CUL5: variants seen among roughly 807,000 people sequenced by gnomAD.
CUL5 encodes cullin-5.
Under a neutral mutation model 108.8 loss-of-function variants are expected in CUL5, and 26 were observed. That is an observed-to-expected ratio of 0.24 (90% CI 0.18 to 0.33). The LOEUF is 0.33. Among genes scored for constraint, CUL5 ranks in the 10% least tolerant of loss-of-function variants. The pLI is 1.00. For missense variants in CUL5, 524 were observed against 909.2 expected (o/e 0.58, Z 5.45); for synonymous variants, 334 against 298.0 (o/e 1.12, Z -1.25).
chr11:108,023,034 A>T (rs1310867127), intron 1 of CUL5, among the ~76,000 whole-genome samples: 1 of 152,182 alleles, frequency 6.6e-6, no homozygotes, highest in African/African-American at 2.4e-5. Context: ...GGATCACCTG[A>T]GGTCAGGAGT....
chr11:108,082,895 A>G (rs1299827468), intron 11 of CUL5, among the ~76,000 whole-genome samples: 1 of 152,102 alleles, frequency 6.6e-6, no homozygotes, highest in Non-Finnish European at 1.5e-5. Flanking sequence ...TCAAAGTGCC[A>G]GAATTACAGG....
intron 11 of CUL5, among the ~76,000 whole-genome samples, chr11:108,084,686 A>G (rs753954628): frequency 3.3e-5 from 5 of 152,260 alleles, no homozygotes; most frequent in Non-Finnish European, 7.3e-5. Flanking sequence ...TCATTTTAGA[A>G]GCGATCTCAG....
Position 108,009,231 on chromosome 11 carries a change from CACCCTGGTGCGGGCCGACGGGCCCTGG to C in CUL5, c.-117_-91del, listed in dbSNP as rs1246300220. On this transcript the variant is annotated 5_prime_UTR_variant, in exon 1 of 19. Coordinates refer to ENST00000393094, the MANE Select transcript of CUL5 (RefSeq NM_003478.6). ...CGGCGCGCTGCTCCAGCGCCCACCA[CACCCTGGTGCGGGCCGACGGGCCCTGG>C]GCCCTGGTGGGAGCTCCGGCCTCCG... The C allele has an allele frequency of 1.8e-6, 2 of 1,090,718 alleles. No individual in the cohort carries two copies. Among genetic ancestry groups the C allele is most frequent in the Non-Finnish European group, 2.7e-6 (2 of 731,946 alleles). 67.6% of individuals were successfully genotyped at this position (1,090,718 alleles called of 1,614,324 possible).
rs7120705 is a variant in CUL5 at position 108,067,790 on chromosome 11, T to A, written c.781-2306T>A. The stretch of plus-strand genomic sequence containing the variant: ...CTATGCTCAATCTGGTTTCACTGCT[T>A]AAGGTGGAAGTGTTTAGTTGGGCCT... On this transcript the variant is annotated intron_variant, in intron 7 of 18. Coordinates refer to ENST00000393094, the MANE Select transcript of CUL5 (RefSeq NM_003478.6). Among the ~76,000 whole-genome samples the A allele has an allele frequency of 2.6e-5, 4 of 152,080 alleles. No individual in the cohort carries two copies. In the East Asian group the frequency reaches 5.8e-4, roughly 22 times the overall value.
intron 5 of CUL5, among the ~76,000 whole-genome samples, chr11:108,053,592 T>C (rs1433332330): frequency 4.6e-5 from 7 of 152,184 alleles, no homozygotes; most frequent in Admixed American, 1.3e-4. Flanking sequence ...TTGCTGTTGT[T>C]TAACCCATAT....
At chr11:108,013,169 T>C (rs1400260805) in intron 1 of CUL5, among the ~76,000 whole-genome samples, 2 of 152,220 alleles carry the variant, frequency 1.3e-5, no homozygotes, top group East Asian at 3.8e-4. Flanking sequence ...TTTTGGTTTT[T>C]ATGACATTCC....
chr11:108,025,819 C>G (rs967214654), intron 1 of CUL5, among the ~76,000 whole-genome samples: 13 of 152,176 alleles, frequency 8.5e-5, no homozygotes, highest in Admixed American at 7.9e-4. Flanking sequence ...TTTTCAAACT[C>G]TGAACTCTGC....
chr11:108,071,752 A>G lies in CUL5; in HGVS notation c.875-580A>G, dbSNP rs1295837688. ...TTTTTGTGTAACGATGGGTTTTGCC[A>G]TGTTGCCCTGACTGGTCTTTTTAAC... On this transcript the variant is annotated intron_variant, in intron 8 of 18. Transcript: ENST00000393094. Among the ~76,000 whole-genome samples the G allele has an allele frequency of 2.6e-5, 4 of 151,928 alleles. No individual in the cohort carries two copies. The South Asian group carries it at 6.2e-4, about 24-fold the overall frequency.
intron 3 of CUL5, among the ~76,000 whole-genome samples, chr11:108,047,768 T>G (rs1345930173): frequency 6.6e-6 from 1 of 152,246 alleles, no homozygotes; most frequent in Non-Finnish European, 1.5e-5. Context: ...GAGATACAGT[T>G]TCTACTTGCA....
At chr11:108,070,643 G>A (rs1863799202) in intron 8 of CUL5, among the ~76,000 whole-genome samples, 1 of 151,358 alleles carries the variant, frequency 6.6e-6, no homozygotes, top group Admixed American at 6.6e-5. Flanking sequence ...TTACTTCAAT[G>A]TTTTCTTAAA....
intron 1 of CUL5, among the ~76,000 whole-genome samples, chr11:108,030,365 C>T (rs979021858): frequency 7.2e-5 from 11 of 152,158 alleles, no homozygotes; most frequent in African/African-American, 2.2e-4. Flanking sequence ...TGGCTGGGTG[C>T]GGTGGCTCAC....
chr11:108,089,982 G>C (rs1864310714), intron 13 of CUL5, among the ~76,000 whole-genome samples: 1 of 151,714 alleles, frequency 6.6e-6, no homozygotes, highest in Non-Finnish European at 1.5e-5. Flanking sequence ...GGAGGTTGCA[G>C]TGAGCCAAGA....
At chr11:108,075,586 A>C (rs1471518465) in intron 10 of CUL5, among the ~76,000 whole-genome samples, 1 of 152,186 alleles carries the variant, frequency 6.6e-6, no homozygotes, top group Non-Finnish European at 1.5e-5. Context: ...CCCAGTCTGG[A>C]GTGCAGTGGT....
intron 1 of CUL5, among the ~76,000 whole-genome samples, chr11:108,009,795 C>A (rs989654064): frequency 3.9e-5 from 6 of 152,178 alleles, no homozygotes; most frequent in African/African-American, 1.4e-4. Context: ...ACTCGACCCC[C>A]CACTTCTTCC....
intron 1 of CUL5, among the ~76,000 whole-genome samples, chr11:108,021,919 G>A (rs1202242666): frequency 2.0e-5 from 3 of 152,132 alleles, no homozygotes; most frequent in Admixed American, 6.6e-5. Context: ...GGCCCAAGCA[G>A]TTGTCCCGCC....
chr11:108,017,760 G>T (rs1371267263), intron 1 of CUL5, among the ~76,000 whole-genome samples: 2 of 152,006 alleles, frequency 1.3e-5, no homozygotes, highest in Non-Finnish European at 2.9e-5. Context: ...TGAGGCAGGA[G>T]GATTGCTTGA....
In CUL5 at chr11:108,094,534, T is replaced by A. The variant is rs1290551645; in HGVS notation, c.1567+20T>A. On this transcript the variant is annotated intron_variant, in intron 14 of 18. Coordinates refer to ENST00000393094, the MANE Select transcript of CUL5 (RefSeq NM_003478.6). ...TACCAGGTATTATTTTATAATTACA[T>A]GTATATATTTTTTAAACTTAGAAGA... The A allele has an allele frequency of 8.1e-7, 1 of 1,228,864 alleles. No homozygotes were observed. Among genetic ancestry groups the A allele is most frequent in the Non-Finnish European group, 1.1e-6 (1 of 889,700 alleles). 76.1% of individuals were successfully genotyped at this position (1,228,864 alleles called of 1,614,324 possible).
chr11:108,060,538 A>G (rs1863506550), intron 7 of CUL5, among the ~76,000 whole-genome samples: 1 of 152,146 alleles, frequency 6.6e-6, no homozygotes, highest in Non-Finnish European at 1.5e-5. Flanking sequence ...ATTGAATACC[A>G]CTAAAAGAAG....
intron 13 of CUL5, among the ~76,000 whole-genome samples, chr11:108,094,111 C>A (rs1183578057): frequency 3.3e-5 from 5 of 152,182 alleles, no homozygotes; most frequent in African/African-American, 1.2e-4. Flanking sequence ...ATAGTGTCAA[C>A]TGAAAGTTGA....
Sources: gnomAD v4.1 joint callset for allele counts (sites outside exome capture counted in the v4.1 genomes callset) on GRCh38, gnomAD v4.1.1 for gene constraint, MANE v1.5 for transcripts, NCBI Gene and HGNC (gene_info 2026-07-23, HGNC 2026-07-21) for gene names.